The following EMC1 variants were observed in gnomAD, a reference collection of about 807,000 sequenced individuals.
The protein encoded by EMC1 is KIAA0090.
EMC1 carries 103 observed loss-of-function variants against 128.8 expected under a neutral mutation model. The ratio of observed to expected loss-of-function variants is 0.80; its 90% CI spans 0.68 to 0.94. EMC1 has a LOEUF of 0.94. EMC1 is among the 40% of genes least tolerant of loss of function. The probability of loss-of-function intolerance (pLI) is 0.00; values close to 1 mark genes in which losing one functional copy is unlikely to be tolerated. For synonymous variants in EMC1, 442 were observed against 490.4 expected, an observed-to-expected ratio of 0.90 and a Z score of 1.30; for missense variants, 1,083 against 1,250.6, an observed-to-expected ratio of 0.87 and a Z score of 2.02.
intron 21 of EMC1, chr1:19,220,354 TC>T (rs1320949297): frequency 6.2e-6 from 1 of 160,348 alleles, no homozygotes; most frequent in Non-Finnish European, 1.4e-5. Flanking sequence ...CATTGCCTGT[TC>T]CCTCTGCCTA....
At chr1:19,241,414 A>T (rs2151959958) in intron 5 of EMC1, among the ~76,000 whole-genome samples, 1 of 152,354 alleles carries the variant, frequency 6.6e-6, no homozygotes, top group African/African-American at 2.4e-5. Context: ...AGCACCAATC[A>T]GGTGGGTAAG....
chr1:19,222,691 G>A lies in EMC1; in HGVS notation c.2520C>T (p.Phe840=). 1 of 1,614,186 alleles carries A rather than the reference G, an allele frequency of 6.2e-7. No individual in the cohort carries two copies. The highest frequency in any genetic ancestry group is 1.1e-5 in the South Asian group (1 of 91,076). Residue 840 remains phenylalanine, a synonymous_variant, in exon 20 of 23, where the codon TTC becomes TTT. Transcript: ENST00000477853. ...LPQVLQQSYI[F]PSSISAMEAT... The stretch of plus-strand genomic sequence containing the variant: ...CCTCCATGGCACTGATGGAGGACGG[G>A]AAGATATAGGACTGCTGGAGGACCT...
At chr1:19,250,177 G>A (rs1029044043) in intron 1 of EMC1, among the ~76,000 whole-genome samples, 4 of 127,402 alleles carry the variant, frequency 3.1e-5, no homozygotes, top group Non-Finnish European at 6.2e-5. Flanking sequence ...ATGAGATCGC[G>A]CCATTACACT....
rs199845614 is a variant in EMC1, at chr1:19,233,147, G to T, written c.1433-12C>A. On this transcript the variant is annotated splice_polypyrimidine_tract_variant and intron_variant, in intron 13 of 22. Transcript: ENST00000477853. ...CCCCAGCAAGCCATCTGGTGTAAAGGAAAAGTAACATACTCTACATCAGAC... is the reference window on the plus strand; with the variant it reads ...CCCCAGCAAGCCATCTGGTGTAAAGTAAAAGTAACATACTCTACATCAGAC... The T allele has an allele frequency of 6.2e-7, 1 of 1,610,830 alleles. No homozygotes were observed. The highest frequency in any genetic ancestry group is 2.2e-5 in the East Asian group (1 of 44,894).
At chr1:19,228,435 T>C (rs537188456) in intron 17 of EMC1, among the ~76,000 whole-genome samples, 56 of 152,304 alleles carry the variant, frequency 3.7e-4, no homozygotes, top group African/African-American at 1.3e-3. Context: ...TAAACACTCA[T>C]GGTTAAATAC....
rs1418343250 is a variant in EMC1 at position 19,240,343 on chromosome 1, G to A, written c.740C>T (p.Thr247Ile). Reference protein sequence around the residue: ...CPDPSSRSLQTLALETEWELR... With the variant: ...CPDPSSRSLQILALETEWELR... ...CTCCCATTCCGTCTCCAGAGCCAAA[G>A]TTTGGAGGGAACGTGAGCTCGGGTC... is the stretch of plus-strand genomic sequence containing the variant. The change falls in exon 7 of 23, where the codon ACT becomes ATT. Residue 247 changes from threonine (T) to isoleucine (I), a missense_variant. This residue lies in a region of EMC1 where 544 missense variants were observed against 572.4 expected (regional missense o/e 0.95). Transcript: ENST00000477853. The A allele has an allele frequency of 1.2e-6, 2 of 1,614,092 alleles. No homozygotes were observed. The highest frequency in any genetic ancestry group is 1.7e-5 in the Admixed American group (1 of 59,998).
At chr1:19,250,478 C>G (rs2093653722) in intron 1 of EMC1, among the ~76,000 whole-genome samples, 1 of 152,104 alleles carries the variant, frequency 6.6e-6, no homozygotes, top group Non-Finnish European at 1.5e-5. Flanking sequence ...TTGTGCACAT[C>G]ATTAAAAATG....
chr1:19,223,591 C>A (rs1366506692), intron 18 of EMC1, 22 bp from the exon 19 acceptor site: 1 of 1,611,016 alleles, frequency 6.2e-7, no homozygotes, highest in Non-Finnish European at 8.5e-7. Context: ...GAGAAAACCT[C>A]CCTTAGAACC....
In EMC1 at chr1:19,232,793, T is replaced by G; in HGVS notation, c.1633-20A>C. On this transcript the variant is annotated intron_variant, in intron 14 of 22. Transcript: ENST00000477853. ...AAAAAGCTGCAAGATAAACAAATAC[T>G]TGGCTCACTACTAGAAAGAGAAACC... 6.2e-7 allele frequency: 1 copy of G among 1,614,008 alleles called. No individual in the cohort carries two copies. The highest frequency in any genetic ancestry group is 1.3e-5 in the African/African-American group (1 of 75,048).
chr1:19,233,254 G>T, intron 13 of EMC1, 119 bp from the exon 14 acceptor site: 1 of 854,254 alleles, frequency 1.2e-6, no homozygotes, highest in Non-Finnish European at 1.8e-6. Context: ...CACACTCTAG[G>T]CCACAAGCCC....
chr1:19,245,697 T>G (rs1442810331), intron 1 of EMC1, among the ~76,000 whole-genome samples: 2 of 138,716 alleles, frequency 1.4e-5, no homozygotes, highest in Admixed American at 1.6e-4. Context: ...CAATCTCAGC[T>G]CACTGCAACC....
chr1:19,240,054 A>G, intron 7 of EMC1, 69 bp from the exon 8 acceptor site: 10 of 1,480,032 alleles, frequency 6.8e-6, no homozygotes, highest in Admixed American at 2.1e-5. Context: ...CAGGCTCACA[A>G]CCTCTGCCCT....
intron 17 of EMC1, 152 bp from the exon 18 acceptor site, chr1:19,227,602 C>T (rs2093485662): frequency 1.0e-6 from 1 of 987,810 alleles, no homozygotes; most frequent in East Asian, 2.6e-5. Context: ...AGCAGTGGCT[C>T]ATTCTTGTAA....
chr1:19,242,938 C>A (rs1032810005), intron 4 of EMC1, among the ~76,000 whole-genome samples: 4 of 152,202 alleles, frequency 2.6e-5, no homozygotes, highest in African/African-American at 9.6e-5. Context: ...ATGACCCTAT[C>A]ATTTGAACAA....
In EMC1 at chr1:19,239,179, T is replaced by G. The variant is rs1572017754; in HGVS notation, c.1026+52A>C. 5 of 1,526,134 alleles carry G rather than the reference T, an allele frequency of 3.3e-6. No homozygotes were observed. The East Asian group carries it at 9.0e-5, about 28-fold the overall frequency. 94.5% of individuals were successfully genotyped at this position (1,526,134 alleles called of 1,614,324 possible). A position where few individuals can be genotyped will look rare whatever the true frequency, so the allele number is the denominator to read the frequency against. On this transcript the variant is annotated intron_variant, in intron 9 of 22. Transcript: ENST00000477853. The stretch of plus-strand genomic sequence containing the variant: ...GACTTCTGATTTTCAGGGTTCCTAG[T>G]GGAGACCAGGAAGGAAAATCCCAAG...
At chr1:19,227,729 G>A (rs1037805427) in intron 17 of EMC1, among the ~76,000 whole-genome samples, 2 of 152,184 alleles carry the variant, frequency 1.3e-5, no homozygotes, top group African/African-American at 4.8e-5. Flanking sequence ...TTAGCCAGAT[G>A]TGGTGGCAGG....
At chr1:19,234,210 A>G (rs927508896) in intron 13 of EMC1, 2 of 984,674 alleles carry the variant, frequency 2.0e-6, no homozygotes, top group Non-Finnish European at 2.4e-6. Flanking sequence ...CAGCAGAAAT[A>G]AACAGTAAAG....
At chr1:19,223,105 C>T (rs1217889986) in intron 19 of EMC1, 1 of 557,558 alleles carries the variant, frequency 1.8e-6, no homozygotes. Flanking sequence ...AGGTGCCAGG[C>T]ATTGTTCTTT....
At chr1:19,239,598 G>A (rs2093591206) in intron 8 of EMC1, 1 of 588,618 alleles carries the variant, frequency 1.7e-6, no homozygotes, top group Non-Finnish European at 3.0e-6. Context: ...TTGGACTAAG[G>A]AAGGCACTAG....
Sources: allele counts gnomAD v4.1 joint callset (sites outside exome capture counted in the v4.1 genomes callset), GRCh38; gene constraint gnomAD v4.1.1; regional missense constraint gnomAD v4.1.1; transcripts MANE v1.5; gene names NCBI Gene and HGNC (gene_info 2026-07-23, HGNC 2026-07-21).